TMCO4: variants seen among roughly 807,000 people sequenced by gnomAD.
TMCO4 encodes the protein transmembrane and coiled-coil domains 4.
In TMCO4, 58 loss-of-function variants were observed where a neutral mutation model predicts 64.7. The observed-to-expected ratio is 0.90, with a 90% CI of 0.73 to 1.12. The LOEUF (loss-of-function observed/expected upper bound fraction) is 1.12. TMCO4 is among the 50% of genes most tolerant of loss of function. The probability of loss-of-function intolerance (pLI) is 0.00; values close to 1 mark genes in which losing one functional copy is unlikely to be tolerated. For missense variants in TMCO4, 780 were observed against 825.9 expected (o/e 0.94, Z 0.68); for synonymous variants, 325 against 346.1 (o/e 0.94, Z 0.68).
At chr1:19,791,153 C>T (rs549518752) in intron 2 of TMCO4, among the ~76,000 whole-genome samples, 1 of 152,182 alleles carries the variant, frequency 6.6e-6, no homozygotes, top group Non-Finnish European at 1.5e-5. Context: ...TGGGGCCTGT[C>T]AGCGGGTGGG....
At chr1:19,726,371 C>A (rs2095408863) in intron 13 of TMCO4, among the ~76,000 whole-genome samples, 2 of 152,048 alleles carry the variant, frequency 1.3e-5, no homozygotes, top group Admixed American at 1.3e-4. Flanking sequence ...ATCCCTTCGG[C>A]TCTCTGAGCT....
intron 1 of TMCO4, among the ~76,000 whole-genome samples, chr1:19,798,828 C>A (rs1284439276): frequency 1.3e-5 from 2 of 152,184 alleles, no homozygotes; most frequent in Non-Finnish European, 2.9e-5. Flanking sequence ...ATCCTCGTTG[C>A]CTAAACAATG....
At chr1:19,771,050 C>T (rs2042956920) in intron 5 of TMCO4, among the ~76,000 whole-genome samples, 1 of 152,208 alleles carries the variant, frequency 6.6e-6, no homozygotes, top group South Asian at 2.1e-4. Context: ...ATGGGGATGG[C>T]CCTACCACTT....
At position 19,743,779 on chromosome 1, in the gene TMCO4, A is replaced by G. The variant is rs916872628; in HGVS notation, c.877+1753T>C. Among the ~76,000 whole-genome samples the G allele has an allele frequency of 6.6e-6, 1 of 152,182 alleles. No homozygotes were observed. Among genetic ancestry groups the G allele is most frequent in the Non-Finnish European group, 1.5e-5 (1 of 68,032 alleles). The stretch of plus-strand genomic sequence containing the variant: ...GAAAAACCCTGGGCATTGGATCAGG[A>G]GACCTGGGTTTGAATTGTGCATCTG... On this transcript the variant is annotated intron_variant, in intron 10 of 15. Coordinates refer to ENST00000294543, the MANE Select transcript of TMCO4 (RefSeq NM_181719.7). The surrounding 1 kb of genome is among the most constrained non-coding windows in gnomAD (Gnocchi z 4.1).
At chr1:19,711,282 A>G (rs1422616415) in intron 13 of TMCO4, among the ~76,000 whole-genome samples, 1 of 152,222 alleles carries the variant, frequency 6.6e-6, no homozygotes, top group East Asian at 1.9e-4. Context: ...ACACTCTGAG[A>G]TCACTGGAGC....
intron 14 of TMCO4, 128 bp downstream of exon 14, chr1:19,700,640 C>T (rs1217629069): frequency 3.1e-5 from 28 of 912,082 alleles, no homozygotes; most frequent in South Asian, 1.3e-4. Flanking sequence ...GGCCGGTGCC[C>T]GGCCGGTTCC....
intron 9 of TMCO4, among the ~76,000 whole-genome samples, chr1:19,746,185 A>G (rs994768116): frequency 1.3e-5 from 2 of 152,202 alleles, no homozygotes; most frequent in African/African-American, 4.8e-5. Flanking sequence ...AAGCCCAAGC[A>G]TGGAAACTTC....
intron 13 of TMCO4, among the ~76,000 whole-genome samples, chr1:19,720,773 G>A (rs1364330934): frequency 6.6e-6 from 1 of 152,158 alleles, no homozygotes; most frequent in East Asian, 1.9e-4. Flanking sequence ...GGCAAAGACA[G>A]GGTCCCCAAA....
intron 6 of TMCO4, among the ~76,000 whole-genome samples, chr1:19,766,272 G>A (rs1045425900): frequency 6.6e-6 from 1 of 152,224 alleles, no homozygotes; most frequent in Non-Finnish European, 1.5e-5. Flanking sequence ...CCCTCATGGA[G>A]CTCACGAGGA....
chr1:19,689,897 G>A (rs1481149202), intron 15 of TMCO4, among the ~76,000 whole-genome samples: 1 of 152,208 alleles, frequency 6.6e-6, no homozygotes, highest in Non-Finnish European at 1.5e-5. Flanking sequence ...AAATGCCTAG[G>A]CAGACGGGGT....
At chr1:19,716,902 C>T (rs2095359370) in intron 13 of TMCO4, among the ~76,000 whole-genome samples, 1 of 152,112 alleles carries the variant, frequency 6.6e-6, no homozygotes. Flanking sequence ...AAAGAGGAAT[C>T]CAGGGCCGGG....
chr1:19,700,455 C>T (rs1019075524), intron 14 of TMCO4, among the ~76,000 whole-genome samples: 3 of 152,192 alleles, frequency 2.0e-5, no homozygotes, highest in Admixed American at 1.3e-4. Context: ...GTTCCACTCG[C>T]CCATGTCCCT....
chr1:19,733,087 G>A lies in TMCO4; in HGVS notation c.1264+4285C>T, dbSNP rs542008247. 3.3e-5 allele frequency among the ~76,000 whole-genome samples: 5 copies of A among 152,068 alleles called. No individual in the cohort carries two copies. The South Asian group carries it at 1.0e-3, about 32-fold the overall frequency. The stretch of plus-strand genomic sequence containing the variant: ...TTGGGACCAGCCTGGCCAACATGGT[G>A]AAACCCCGACTCTACTAAAAATACA... On this transcript the variant is annotated intron_variant, in intron 13 of 15. Coordinates refer to ENST00000294543, the MANE Select transcript of TMCO4 (RefSeq NM_181719.7).
At chr1:19,772,474 C>G (rs2043029717) in intron 4 of TMCO4, among the ~76,000 whole-genome samples, 1 of 152,110 alleles carries the variant, frequency 6.6e-6, no homozygotes, top group Non-Finnish European at 1.5e-5. Flanking sequence ...GAGAAGGAAG[C>G]CTTTGAGCTG....
Position 19,760,832 on chromosome 1 carries a change from T to C in TMCO4, c.383-5066A>G, listed in dbSNP as rs60746249. ...AACAAAGCAGAGGTTTAATAATCTT[T>C]GTACGTAAGAGGAATGGAATATTTG... On this transcript the variant is annotated intron_variant, in intron 6 of 15. Coordinates refer to ENST00000294543, the MANE Select transcript of TMCO4 (RefSeq NM_181719.7). Among the ~76,000 whole-genome samples the C allele has an allele frequency of 4.2e-3, 642 of 152,392 alleles. 4 individuals are homozygous for C. The highest frequency in any genetic ancestry group is 0.015 in the African/African-American group (605 of 41,602).
intron 3 of TMCO4, among the ~76,000 whole-genome samples, chr1:19,785,450 C>T (rs2043689698): frequency 6.6e-6 from 1 of 152,132 alleles, no homozygotes; most frequent in South Asian, 2.1e-4. Context: ...CACTGCCACA[C>T]CCCGAGCTTT....
chr1:19,735,978 C>T (rs765512993), intron 13 of TMCO4, among the ~76,000 whole-genome samples: 8 of 152,102 alleles, frequency 5.3e-5, no homozygotes, highest in Middle Eastern at 3.2e-3. Context: ...CAACCAGCAC[C>T]GATGGCCAGA....
rs545765605 is a variant in TMCO4, at chr1:19,683,374, G to A, written c.1571C>T (p.Pro524Leu). 2 of 1,613,886 alleles carry A rather than the reference G, an allele frequency of 1.2e-6. No individual in the cohort carries two copies. The highest frequency in any genetic ancestry group is 1.7e-6 in the Non-Finnish European group (2 of 1,180,026). ...CAAGAGCCCCTTCTCGTCCCAGCCT[G>A]GCTTGGTGCGGATGCCCACGGCCTT... ...ILKAVGIRTK[P>L]GWDEKGLLLA... The change falls in exon 16 of 16, where the codon CCA (proline) becomes CTA (leucine). Residue 524 changes from proline to leucine, a missense_variant. Pro to Leu is a moderately conservative substitution (Grantham distance 98). Coordinates refer to ENST00000294543, the MANE Select transcript of TMCO4 (RefSeq NM_181719.7).
chr1:19,735,589 T>C (rs2095450462), intron 13 of TMCO4, among the ~76,000 whole-genome samples: 1 of 152,198 alleles, frequency 6.6e-6, no homozygotes, highest in Non-Finnish European at 1.5e-5. Context: ...CTCTTCCCTC[T>C]TTCCAGTTTC....
Sources: gnomAD v4.1 joint callset for allele counts (sites outside exome capture counted in the v4.1 genomes callset) on GRCh38, gnomAD v4.1.1 for gene constraint, Gnocchi (gnomAD v3.1) non-coding constraint, MANE v1.5 for transcripts, NCBI Gene and HGNC (gene_info 2026-07-23, HGNC 2026-07-21) for gene names.